The following CABIN1 variants were observed in gnomAD, a reference collection of about 807,000 sequenced individuals.
CABIN1 encodes the protein calcineurin-binding protein cabin-1.
A neutral mutation model predicts 227.7 loss-of-function variants in CABIN1; 133 were observed. That is an observed-to-expected ratio of 0.58 (90% CI 0.51 to 0.67). CABIN1 has a LOEUF of 0.67. CABIN1 is among the 30% of genes least tolerant of loss of function. CABIN1 has a pLI of 0.00. For synonymous variants in CABIN1, 1,086 were observed against 1,155.1 expected, an observed-to-expected ratio of 0.94 and a Z score of 1.21; for missense variants, 2,408 against 2,852.5, an observed-to-expected ratio of 0.84 and a Z score of 3.55.
At position 24,067,041 on chromosome 22, in the gene CABIN1, C is replaced by T. The variant is rs145607829; in HGVS notation, c.2092C>T (p.Arg698Trp). ...ERCQSLEEIQ[R>W]LYEAGDYKAV... ...GTGCCAGTCCCTGGAGGAGATTCAG[C>T]GGCTGTATGAAGCAGGCGACTACAA... is the stretch of plus-strand genomic sequence containing the variant. Residue 698 changes from arginine to tryptophan, a missense_variant, in exon 16 of 37, where the codon CGG becomes TGG. Arg to Trp is a moderately radical substitution (Grantham distance 101). This residue lies in a region of CABIN1 where 1,045 missense variants were observed against 1,168.4 expected (regional missense o/e 0.89). Transcript: ENST00000263119. The T allele has an allele frequency of 1.4e-5, 23 of 1,614,090 alleles. No individual in the cohort carries two copies. Among genetic ancestry groups the T allele is most frequent in the South Asian group, 5.5e-5 (5 of 91,094 alleles).
In CABIN1 at chr22:24,176,239, G is replaced by T. The variant is rs770785441; in HGVS notation, c.6169G>T (p.Ala2057Ser). Reference sequence around the variant, plus strand: ...GCCACACTGCTGGCCGGCAGAGGCTGCCCTGGGCACAGGCGCTGAGCCCAC... The same window carrying T: ...GCCACACTGCTGGCCGGCAGAGGCTTCCCTGGGCACAGGCGCTGAGCCCAC... ...AEPHCWPAEA[A>S]LGTGAEPTCS... Residue 2057 changes from alanine (A) to serine (S), a missense_variant, in exon 35 of 37, where the codon GCC becomes TCC. Ala to Ser is a moderately conservative substitution (Grantham distance 99, BLOSUM62 1). Transcript: ENST00000263119. 1.2e-6 allele frequency: 2 copies of T among 1,608,328 alleles called. No homozygotes were observed. Among genetic ancestry groups the T allele is most frequent in the African/African-American group, 2.7e-5 (2 of 74,818 alleles).
intron 28 of CABIN1, among the ~76,000 whole-genome samples, chr22:24,130,587 G>A (rs1257541746): frequency 7.2e-5 from 11 of 152,114 alleles, no homozygotes; most frequent in South Asian, 2.1e-4. Flanking sequence ...CAGGTGCACC[G>A]TGCAAGTCAG....
chr22:24,124,146 T>A (rs2043580434), intron 28 of CABIN1, among the ~76,000 whole-genome samples: 1 of 152,274 alleles, frequency 6.6e-6, no homozygotes, highest in Admixed American at 6.5e-5. Flanking sequence ...ATGGGAACTC[T>A]TGGAGGTCCA....
intron 23 of CABIN1, 150 bp from the exon 24 acceptor site, chr22:24,091,432 CA>C: frequency 1.0e-6 from 1 of 984,386 alleles, no homozygotes; most frequent in Non-Finnish European, 1.6e-6. Context: ...TCGGTGTCAC[CA>C]GCTGTGAAAT....
rs542171304 is a variant in CABIN1 at position 24,165,943 on chromosome 22, G to A, written c.5007+317G>A. Reference sequence around the variant, plus strand: ...CCCTCTCCCTGGCAGGCTGACCAAGGCCTATGAGAACACCATGTGTGTGCA... The same window carrying A: ...CCCTCTCCCTGGCAGGCTGACCAAGACCTATGAGAACACCATGTGTGTGCA... On this transcript the variant is annotated intron_variant, in intron 31 of 36. Coordinates refer to ENST00000263119, the MANE Select transcript of CABIN1 (RefSeq NM_012295.4). 8.5e-5 allele frequency among the ~76,000 whole-genome samples: 13 copies of A among 152,336 alleles called. No individual in the cohort carries two copies. The East Asian group carries it at 1.4e-3, about 16-fold the overall frequency.
intron 29 of CABIN1, among the ~76,000 whole-genome samples, chr22:24,141,901 G>A (rs562783678): frequency 6.6e-6 from 1 of 152,306 alleles, no homozygotes; most frequent in Non-Finnish European, 1.5e-5. Flanking sequence ...CAGCCCTGGA[G>A]CCTGAGTGCT....
chr22:24,147,485 A>T (rs2045221685), intron 29 of CABIN1, among the ~76,000 whole-genome samples: 2 of 145,688 alleles, frequency 1.4e-5, no homozygotes, highest in South Asian at 4.3e-4. Context: ...TCACTGTGTC[A>T]TCCAGGCTGA....
At chr22:24,052,811 A>G (rs943482783) in intron 8 of CABIN1, among the ~76,000 whole-genome samples, 3 of 151,834 alleles carry the variant, frequency 2.0e-5, no homozygotes, top group African/African-American at 7.2e-5. Flanking sequence ...AAAAAATTAA[A>G]AAATAAAATT....
At chr22:24,018,490 C>T (rs1313601179) in intron 1 of CABIN1, among the ~76,000 whole-genome samples, 2 of 152,054 alleles carry the variant, frequency 1.3e-5, no homozygotes, top group Non-Finnish European at 2.9e-5. Context: ...CAAGTTTATT[C>T]TTGTGAGTTA....
chr22:24,160,250 G>C (rs774872031), intron 29 of CABIN1: 2 of 152,256 alleles, frequency 1.3e-5, no homozygotes, highest in Non-Finnish European at 2.9e-5. Context: ...TCTGTGACAA[G>C]CTCGTGCCTT....
intron 5 of CABIN1, among the ~76,000 whole-genome samples, chr22:24,041,782 C>T (rs1302638236): frequency 1.3e-5 from 2 of 152,206 alleles, no homozygotes; most frequent in Non-Finnish European, 1.5e-5. Context: ...TTGCTTCCTA[C>T]GCATACACTA....
At chr22:24,015,140 C>A (rs745896694) in intron 1 of CABIN1, among the ~76,000 whole-genome samples, 17 of 150,704 alleles carry the variant, frequency 1.1e-4, no homozygotes, top group Non-Finnish European at 1.8e-4. Context: ...GTGGTGGGCA[C>A]CTGTAATCCC....
chr22:24,055,270 C>CA, intron 9 of CABIN1, 111 bp downstream of exon 9: 1 of 1,253,398 alleles, frequency 8.0e-7, no homozygotes, highest in Non-Finnish European at 1.1e-6. Context: ...CATGCTGATG[C>CA]TCATGACTCA....
At chr22:24,069,930 A>C (rs1601902483) in intron 16 of CABIN1, among the ~76,000 whole-genome samples, 1 of 152,252 alleles carries the variant, frequency 6.6e-6, no homozygotes, top group East Asian at 1.9e-4. Context: ...CCAATGGGTC[A>C]CCGGGCAGCA....
chr22:24,165,446 G>A, intron 30 of CABIN1, 84 bp from the exon 31 acceptor site: 2 of 1,236,282 alleles, frequency 1.6e-6, no homozygotes, highest in South Asian at 2.5e-5. Context: ...CTCAAGGCAG[G>A]GATGGGCAGT....
intron 33 of CABIN1, among the ~76,000 whole-genome samples, chr22:24,170,759 C>CCA (rs1556005540): frequency 6.7e-6 from 1 of 148,826 alleles, no homozygotes; most frequent in African/African-American, 2.5e-5. Flanking sequence ...ACTGCCCCCC[C>CCA]CCCCGCCCCC....
intron 29 of CABIN1, among the ~76,000 whole-genome samples, chr22:24,162,990 A>G (rs2046243695): frequency 1.3e-5 from 2 of 152,178 alleles, no homozygotes; most frequent in African/African-American, 4.8e-5. Context: ...TCTGGTGCCT[A>G]CTGTAGATAG....
rs770952501 is a variant in CABIN1, at chr22:24,023,827, G to C, written c.-74-11617G>C. On this transcript the variant is annotated intron_variant, in intron 1 of 36. Coordinates refer to ENST00000263119, the MANE Select transcript of CABIN1 (RefSeq NM_012295.4). ...TGGCTCACTGCAAACTCTGCCTCCC[G>C]GGCCCAAGCAGTTCTCATGCCTCAG... 2.0e-5 allele frequency among the ~76,000 whole-genome samples: 3 copies of C among 150,964 alleles called. No individual in the cohort carries two copies. In the East Asian group the frequency reaches 5.9e-4, roughly 29 times the overall value.
intron 15 of CABIN1, among the ~76,000 whole-genome samples, chr22:24,065,805 C>G (rs1156819864): frequency 6.6e-6 from 1 of 152,270 alleles, no homozygotes; most frequent in Non-Finnish European, 1.5e-5. Context: ...AGCTGGAGAC[C>G]AGCCCGGCCA....
Sources: gnomAD v4.1 joint callset for allele counts (sites outside exome capture counted in the v4.1 genomes callset) on GRCh38, gnomAD v4.1.1 for gene constraint, gnomAD v4.1.1 regional missense constraint, MANE v1.5 for transcripts, NCBI Gene and HGNC (gene_info 2026-07-23, HGNC 2026-07-21) for gene names.